The following GRIN2B variants were observed in gnomAD, a reference collection of about 807,000 sequenced individuals.
GRIN2B encodes glutamate ionotropic receptor NMDA type subunit 2B.
Under a neutral mutation model 114.5 loss-of-function variants are expected in GRIN2B, and 5 were observed. The observed-to-expected ratio is 0.04, with a 90% CI of 0.02 to 0.09. The LOEUF (loss-of-function observed/expected upper bound fraction) is 0.09, where lower values mean the gene tolerates loss of function less well. Among genes scored for constraint, GRIN2B ranks in the 10% least tolerant of loss-of-function variants. The pLI, the probability that GRIN2B is intolerant of heterozygous loss-of-function variation, is 1.00. For synonymous variants in GRIN2B, 787 were observed against 745.1 expected (o/e 1.06, Z -0.92); for missense variants, 1,108 against 1,943.5 (o/e 0.57, Z 8.08).
intron 3 of GRIN2B, among the ~76,000 whole-genome samples, chr12:13,823,580 A>T (rs1429191251): frequency 6.6e-6 from 1 of 152,098 alleles, no homozygotes; most frequent in Non-Finnish European, 1.5e-5. Context: ...AATTTTCTGC[A>T]TAGAAAGTCA....
At chr12:13,827,021 GT>G (rs140999042) in intron 3 of GRIN2B, among the ~76,000 whole-genome samples, 132 of 143,124 alleles carry the variant, frequency 9.2e-4, no homozygotes, top group Admixed American at 4.6e-3. Flanking sequence ...TTGTTGAGAG[GT>G]TTTTTTTTTT....
At chr12:13,718,305 A>C (rs1950475910) in intron 4 of GRIN2B, among the ~76,000 whole-genome samples, 1 of 152,036 alleles carries the variant, frequency 6.6e-6, no homozygotes, top group South Asian at 2.1e-4. Context: ...CCCTCCTTCA[A>C]GGTGAGGAGA....
chr12:13,759,174 A>T, intron 3 of GRIN2B, among the ~76,000 whole-genome samples: 1 of 150,886 alleles, frequency 6.6e-6, no homozygotes, highest in Admixed American at 6.6e-5. Context: ...CACCCAGCTA[A>T]TTTTTTTTGT....
At chr12:13,937,413 AG>A (rs1867148857) in intron 2 of GRIN2B, among the ~76,000 whole-genome samples, 1 of 152,096 alleles carries the variant, frequency 6.6e-6, no homozygotes, top group East Asian at 1.9e-4. Context: ...CCAGTAAGAA[AG>A]AAAAATAAAT....
At position 13,954,590 on chromosome 12, in the gene GRIN2B, A is replaced by C. The variant is rs564332477; in HGVS notation, c.-19+25338T>G. ...TTTGGGAGGCCGAGGCGGGTGGATC[A>C]CTTGAGGTCAGGAGTTCAAGGCTAG... On this transcript the variant is annotated intron_variant, in intron 2 of 13. Transcript: ENST00000609686. Among the ~76,000 whole-genome samples the C allele has an allele frequency of 3.0e-3, 449 of 152,046 alleles. 1 individual carries two copies. Among genetic ancestry groups the C allele is most frequent in the Non-Finnish European group, 5.5e-3 (374 of 67,974 alleles).
At chr12:13,628,945 G>A (rs1949595489) in intron 5 of GRIN2B, among the ~76,000 whole-genome samples, 1 of 152,122 alleles carries the variant, frequency 6.6e-6, no homozygotes, top group Admixed American at 6.5e-5. Context: ...AGACACATAA[G>A]AATTACTGAG....
At position 13,828,409 on chromosome 12, in the gene GRIN2B, C is replaced by G. The variant is rs143254588; in HGVS notation, c.411+37389G>C. On this transcript the variant is annotated intron_variant, in intron 3 of 13. Transcript: ENST00000609686. ...TTTTTTCCACAGAAAGTAACCTTGTCCAGACATGGAATTTCACCTATAATA... is the reference window on the plus strand; with the variant it reads ...TTTTTTCCACAGAAAGTAACCTTGTGCAGACATGGAATTTCACCTATAATA... Among the ~76,000 whole-genome samples the G allele has an allele frequency of 2.0e-5, 3 of 152,196 alleles. No individual in the cohort carries two copies. The East Asian group carries it at 5.8e-4, about 29-fold the overall frequency.
chr12:13,626,758 G>A (rs1949571432), intron 5 of GRIN2B, among the ~76,000 whole-genome samples: 1 of 149,314 alleles, frequency 6.7e-6, no homozygotes, highest in East Asian at 2.0e-4. Context: ...GATGGCTACT[G>A]TTGAGCTACC....
intron 4 of GRIN2B, among the ~76,000 whole-genome samples, chr12:13,729,409 G>A (rs1420009074): frequency 2.0e-5 from 3 of 152,072 alleles, no homozygotes; most frequent in African/African-American, 7.2e-5. Flanking sequence ...GTAGCTCTCT[G>A]TCTGTCTTAG....
At chr12:13,638,830 T>C (rs1949687351) in intron 5 of GRIN2B, among the ~76,000 whole-genome samples, 2 of 152,206 alleles carry the variant, frequency 1.3e-5, no homozygotes, top group Admixed American at 1.3e-4. Flanking sequence ...ACTCCATCTA[T>C]GGAAATGGAA....
intron 4 of GRIN2B, among the ~76,000 whole-genome samples, chr12:13,710,057 A>T (rs1000824365): frequency 6.6e-6 from 1 of 152,034 alleles, no homozygotes; most frequent in African/African-American, 2.4e-5. Context: ...AAATTCTGTT[A>T]TATTCATAAA....
At chr12:13,839,976 C>T (rs1017290103) in intron 3 of GRIN2B, among the ~76,000 whole-genome samples, 10 of 152,078 alleles carry the variant, frequency 6.6e-5, no homozygotes, top group African/African-American at 9.7e-5. Flanking sequence ...TATTTTTATA[C>T]GTGAATCTTT....
At chr12:13,869,219 TTTTTTC>T (rs1201995764) in intron 2 of GRIN2B, among the ~76,000 whole-genome samples, 2 of 150,782 alleles carry the variant, frequency 1.3e-5, no homozygotes, top group Admixed American at 6.6e-5. Flanking sequence ...CCTAGAGAAC[TTTTTTC>T]TTTTTCTTTT....
At chr12:13,685,711 A>C (rs1950170079) in intron 4 of GRIN2B, among the ~76,000 whole-genome samples, 1 of 152,188 alleles carries the variant, frequency 6.6e-6, no homozygotes, top group South Asian at 2.1e-4. Context: ...AACCACACCT[A>C]CCATACAGAT....
At chr12:13,600,816 T>G (rs1805515) in intron 10 of GRIN2B, among the ~76,000 whole-genome samples, 11,410 of 152,216 alleles carry the variant, frequency 0.075, 607 homozygotes, top group South Asian at 0.13. Context: ...AGCAGTGTAG[T>G]ACGTATTGTG....
chr12:13,855,814 T>C (rs1396961008), intron 3 of GRIN2B, among the ~76,000 whole-genome samples: 2 of 152,242 alleles, frequency 1.3e-5, no homozygotes, highest in Admixed American at 6.5e-5. Flanking sequence ...GGTTAAGACA[T>C]GGACCTATCT....
chr12:13,654,376 A>G (rs908776976), intron 5 of GRIN2B, among the ~76,000 whole-genome samples: 9 of 152,180 alleles, frequency 5.9e-5, no homozygotes, highest in African/African-American at 1.9e-4. Context: ...CAGAAGAATG[A>G]AAGACCCCAA....
chr12:13,735,750 C>T (rs1319559443), intron 4 of GRIN2B, among the ~76,000 whole-genome samples: 1 of 152,166 alleles, frequency 6.6e-6, no homozygotes, highest in Non-Finnish European at 1.5e-5. Context: ...TCAGATATAT[C>T]CTGTTCCTTT....
In GRIN2B at chr12:13,545,025, C is replaced by T. The variant is rs930341748; in HGVS notation, c.*17758G>A. ...CCTGACAGTGTCCTACAAGGCCCTA[C>T]CTGACTTGCGTTATTGCCCCCTCTC... On this transcript the variant is annotated 3_prime_UTR_variant, in exon 14 of 14. Coordinates refer to ENST00000609686, the MANE Select transcript of GRIN2B (RefSeq NM_000834.5). 1 of 152,330 alleles carries T rather than the reference C, an allele frequency of 6.6e-6. No homozygotes were observed. Among genetic ancestry groups the T allele is most frequent in the Non-Finnish European group, 1.5e-5 (1 of 68,140 alleles). 9.4% of individuals were successfully genotyped at this position (152,330 alleles called of 1,614,324 possible). A position where few individuals can be genotyped will look rare whatever the true frequency, so the allele number is the denominator to read the frequency against.
Sources: allele counts gnomAD v4.1 joint callset (sites outside exome capture counted in the v4.1 genomes callset), GRCh38; gene constraint gnomAD v4.1.1; transcripts MANE v1.5; gene names NCBI Gene and HGNC (gene_info 2026-07-23, HGNC 2026-07-21).